The following EYA3 variants were observed in gnomAD, a reference collection of about 807,000 sequenced individuals.
EYA3 encodes the protein protein phosphatase EYA3.
A neutral mutation model predicts 80.0 loss-of-function variants in EYA3; 39 were observed. The observed-to-expected ratio is 0.49, with a 90% CI of 0.38 to 0.64. EYA3 has a LOEUF of 0.64. Ranked by LOEUF, EYA3 falls within the 30% of genes least tolerant of loss-of-function variation. The pLI is 0.00. For synonymous variants in EYA3, 206 were observed against 232.8 expected (o/e 0.88, Z 1.05); for missense variants, 523 against 676.1 (o/e 0.77, Z 2.51).
intron 7 of EYA3, among the ~76,000 whole-genome samples, chr1:28,022,440 G>A (rs1033150379): frequency 7.2e-5 from 11 of 152,084 alleles, no homozygotes; most frequent in Non-Finnish European, 1.3e-4. Flanking sequence ...GAGCCACCGC[G>A]CCCGGCCTAA....
At chr1:28,076,722 T>TTGC (rs1402223342) in intron 1 of EYA3, among the ~76,000 whole-genome samples, 2 of 148,324 alleles carry the variant, frequency 1.3e-5, no homozygotes, top group African/African-American at 4.9e-5. Flanking sequence ...CTAAGAATAA[T>TTGC]TGCTTTTATA....
chr1:28,031,414 C>G (rs1643131190), intron 6 of EYA3, among the ~76,000 whole-genome samples: 1 of 152,174 alleles, frequency 6.6e-6, no homozygotes, highest in African/African-American at 2.4e-5. Flanking sequence ...CAACAACTAC[C>G]AAGTTTCTCA....
intron 7 of EYA3, among the ~76,000 whole-genome samples, chr1:28,019,315 T>C (rs1642273679): frequency 6.6e-6 from 1 of 152,228 alleles, no homozygotes; most frequent in African/African-American, 2.4e-5. Context: ...CTAAATGAAA[T>C]AGGTTTTATA....
chr1:28,035,441 C>A (rs1261444137), intron 6 of EYA3, 103 bp downstream of exon 6: 2 of 1,294,470 alleles, frequency 1.5e-6, no homozygotes, highest in South Asian at 1.5e-5. Context: ...TACCCAACCA[C>A]ATATGTAACT....
chr1:28,031,915 G>A (rs977010801), intron 6 of EYA3: 8 of 151,740 alleles, frequency 5.3e-5, no homozygotes, highest in African/African-American at 7.3e-5. Flanking sequence ...TGTCCACGCC[G>A]GAGTGCAGTG....
chr1:28,002,948 T>C (rs1225874813), intron 11 of EYA3, among the ~76,000 whole-genome samples: 3 of 151,724 alleles, frequency 2.0e-5, no homozygotes, highest in East Asian at 3.9e-4. Flanking sequence ...GGTAAAACCC[T>C]GTCTCTACTA....
intron 14 of EYA3, among the ~76,000 whole-genome samples, chr1:27,992,427 G>C (rs1181283698): frequency 6.6e-6 from 1 of 152,104 alleles, no homozygotes; most frequent in African/African-American, 2.4e-5. Context: ...TGATCTGACA[G>C]GAAGTGGAGC....
intron 10 of EYA3, among the ~76,000 whole-genome samples, chr1:28,008,156 A>C (rs1264057862): frequency 6.6e-6 from 1 of 152,166 alleles, no homozygotes; most frequent in East Asian, 1.9e-4. Flanking sequence ...CCAACATCAT[A>C]AGTTAATTTT....
chr1:28,043,262 C>T (rs1449297377), intron 3 of EYA3, among the ~76,000 whole-genome samples: 1 of 149,138 alleles, frequency 6.7e-6, no homozygotes, highest in Non-Finnish European at 1.5e-5. Context: ...TGCTCTGCCA[C>T]TTTTTATTAT....
intron 10 of EYA3, among the ~76,000 whole-genome samples, chr1:28,008,504 G>A (rs2148781335): frequency 6.6e-6 from 1 of 152,020 alleles, no homozygotes; most frequent in Non-Finnish European, 1.5e-5. Context: ...AAAATTGAGA[G>A]AGTGAAAAGA....
rs148992889 is a variant in EYA3 at position 28,056,803 on chromosome 1, T to C, written c.33+1191A>G. 7.5e-3 allele frequency among the ~76,000 whole-genome samples: 1,148 copies of C among 152,320 alleles called. 12 individuals carry two copies. Among genetic ancestry groups the C allele is most frequent in the Middle Eastern group, 0.014 (4 of 294 alleles). On this transcript the variant is annotated intron_variant, in intron 2 of 17. Transcript: ENST00000373871. ...ACTAACAATACCCATATTTCAACAG[T>C]ATGTCAACACTTACATAAGTCTTTT... is the stretch of plus-strand genomic sequence containing the variant.
intron 8 of EYA3, among the ~76,000 whole-genome samples, chr1:28,016,318 T>G (rs1336288689): frequency 6.6e-6 from 1 of 151,896 alleles, no homozygotes; most frequent in Non-Finnish European, 1.5e-5. Flanking sequence ...TCACTCTAAG[T>G]CAGGAGTTTG....
chr1:28,018,758 A>C (rs1029428561), intron 7 of EYA3, among the ~76,000 whole-genome samples: 3 of 152,246 alleles, frequency 2.0e-5, no homozygotes, highest in African/African-American at 7.2e-5. Flanking sequence ...AATTAAAGTA[A>C]CTTGTCCACA....
At chr1:28,048,278 A>G (rs1571892192) in intron 3 of EYA3, 105 bp downstream of exon 3, 1 of 648,874 alleles carries the variant, frequency 1.5e-6, no homozygotes, top group East Asian at 2.9e-5. Context: ...AGCTGATGGT[A>G]AGAACCAAAA....
chr1:28,069,018 G>A (rs775466730), intron 1 of EYA3, among the ~76,000 whole-genome samples: 1 of 152,122 alleles, frequency 6.6e-6, no homozygotes, highest in Non-Finnish European at 1.5e-5. Context: ...TGTTGGCCAG[G>A]CTGGTCTCGA....
At chr1:28,045,411 G>C (rs1002843944) in intron 3 of EYA3, among the ~76,000 whole-genome samples, 3 of 152,178 alleles carry the variant, frequency 2.0e-5, no homozygotes, top group Non-Finnish European at 4.4e-5. Context: ...TAACTAGTTT[G>C]ACTTCTACAT....
intron 3 of EYA3, among the ~76,000 whole-genome samples, chr1:28,046,967 C>CT (rs1644030804): frequency 6.6e-6 from 1 of 150,804 alleles, no homozygotes. Context: ...CCTGCCTCAG[C>CT]CCCGAGTAGC....
intron 16 of EYA3, among the ~76,000 whole-genome samples, chr1:27,983,029 T>C (rs940686304): frequency 1.3e-5 from 2 of 152,184 alleles, no homozygotes; most frequent in African/African-American, 4.8e-5. Flanking sequence ...ATCAAAAAAA[T>C]CCTTGTACAT....
chr1:28,041,475 C>T (rs1387715257), intron 4 of EYA3, among the ~76,000 whole-genome samples: 1 of 151,978 alleles, frequency 6.6e-6, no homozygotes. Context: ...ATCACTTGAA[C>T]CCGGGAGGCG....
Sources: allele counts gnomAD v4.1 joint callset (sites outside exome capture counted in the v4.1 genomes callset), GRCh38; gene constraint gnomAD v4.1.1; transcripts MANE v1.5; gene names NCBI Gene and HGNC (gene_info 2026-07-23, HGNC 2026-07-21).